XPR1: variants seen among roughly 807,000 people sequenced by gnomAD.
XPR1 encodes solute carrier family 53 member 1.
XPR1 carries 28 observed loss-of-function variants against 87.5 expected under a neutral mutation model. That is an observed-to-expected ratio of 0.32 (90% CI 0.24 to 0.44). The LOEUF is 0.44. Ranked by LOEUF, XPR1 falls within the 20% of genes least tolerant of loss-of-function variation. The pLI, the probability that XPR1 is intolerant of heterozygous loss-of-function variation, is 1.00. For missense variants in XPR1, 559 were observed against 862.3 expected, an observed-to-expected ratio of 0.65 and a Z score of 4.41; for synonymous variants, 300 against 306.1, an observed-to-expected ratio of 0.98 and a Z score of 0.21.
At chr1:180,757,637 C>T (rs559889199) in intron 2 of XPR1, among the ~76,000 whole-genome samples, 8 of 151,650 alleles carry the variant, frequency 5.3e-5, no homozygotes, top group African/African-American at 1.9e-4. Flanking sequence ...CCGCCTCAGC[C>T]TTTTGAGTAG....
chr1:180,845,191 G>A (rs1179360711), intron 11 of XPR1, among the ~76,000 whole-genome samples: 1 of 152,112 alleles, frequency 6.6e-6, no homozygotes, highest in African/African-American at 2.4e-5. Context: ...CCTATCACTG[G>A]CAAGGGTACG....
In XPR1 at chr1:180,840,155, G is replaced by A. The variant is rs966889813; in HGVS notation, c.1501+3439G>A. On this transcript the variant is annotated intron_variant, in intron 11 of 14. Transcript: ENST00000367590. Reference sequence around the variant, plus strand: ...GGAGAATGGCGTGAACCCGGGAAGCGGAGCTTGCAGTGAGCCGAGATTGCG... The same window carrying A: ...GGAGAATGGCGTGAACCCGGGAAGCAGAGCTTGCAGTGAGCCGAGATTGCG... Among the ~76,000 whole-genome samples the A allele has an allele frequency of 5.3e-5, 8 of 149,844 alleles. No homozygotes were observed. In the South Asian group the frequency reaches 6.4e-4, roughly 12 times the overall value.
intron 4 of XPR1, among the ~76,000 whole-genome samples, chr1:180,804,483 TAGAG>T (rs1307401616): frequency 1.3e-5 from 2 of 152,226 alleles, no homozygotes; most frequent in Non-Finnish European, 2.9e-5. Context: ...ATCTAATCTT[TAGAG>T]AGACCTTATG....
chr1:180,706,339 C>T (rs190067241), intron 2 of XPR1, among the ~76,000 whole-genome samples: 13 of 152,196 alleles, frequency 8.5e-5, no homozygotes, highest in Admixed American at 4.6e-4. Flanking sequence ...ATTGAGTTTC[C>T]GGCTCTACTT....
intron 1 of XPR1, among the ~76,000 whole-genome samples, chr1:180,652,960 C>G (rs955626720): frequency 6.6e-6 from 1 of 152,214 alleles, no homozygotes; most frequent in Non-Finnish European, 1.5e-5. Flanking sequence ...CTTCACTGGT[C>G]TGGAGGATCC....
chr1:180,757,283 A>C (rs1450839543), intron 2 of XPR1, among the ~76,000 whole-genome samples: 1 of 152,162 alleles, frequency 6.6e-6, no homozygotes, highest in African/African-American at 2.4e-5. Context: ...GGTATTTGGA[A>C]ACGGGATTTT....
At chr1:180,833,673 G>T (rs765419596) in intron 9 of XPR1, among the ~76,000 whole-genome samples, 2 of 152,020 alleles carry the variant, frequency 1.3e-5, no homozygotes, top group Non-Finnish European at 2.9e-5. Flanking sequence ...TTTTCATCAA[G>T]AATAAACACA....
At chr1:180,689,138 A>C (rs902913413) in intron 2 of XPR1, among the ~76,000 whole-genome samples, 4 of 152,188 alleles carry the variant, frequency 2.6e-5, no homozygotes, top group African/African-American at 9.6e-5. Context: ...ATGGAAAGGG[A>C]CATTAAAAGA....
At chr1:180,857,824 T>G (rs187074038) in intron 11 of XPR1, among the ~76,000 whole-genome samples, 1 of 152,326 alleles carries the variant, frequency 6.6e-6, no homozygotes, top group East Asian at 1.9e-4. Context: ...GTCTTTAGTA[T>G]TCTAGTTATA....
At chr1:180,743,940 C>T (rs749518774) in intron 2 of XPR1, among the ~76,000 whole-genome samples, 2 of 152,168 alleles carry the variant, frequency 1.3e-5, no homozygotes, top group Non-Finnish European at 2.9e-5. Context: ...TATGATCCAT[C>T]TGGCCTTGGA....
At chr1:180,666,719 CT>C (rs1377124427) in intron 1 of XPR1, among the ~76,000 whole-genome samples, 12 of 152,004 alleles carry the variant, frequency 7.9e-5, no homozygotes, top group Non-Finnish European at 1.5e-5. Flanking sequence ...ATTAGTTTTT[CT>C]TTTTTTGGTG....
chr1:180,750,143 T>C (rs1024530050), intron 2 of XPR1, among the ~76,000 whole-genome samples: 12 of 152,176 alleles, frequency 7.9e-5, no homozygotes, highest in African/African-American at 2.2e-4. Flanking sequence ...TTGGAAACTT[T>C]TTATTCTTTT....
At chr1:180,695,151 T>C (rs185365178) in intron 2 of XPR1, among the ~76,000 whole-genome samples, 1 of 152,314 alleles carries the variant, frequency 6.6e-6, no homozygotes, top group East Asian at 1.9e-4. Context: ...ATTAGTGATA[T>C]TGAGCACTTT....
intron 2 of XPR1, among the ~76,000 whole-genome samples, chr1:180,684,463 C>T (rs535991382): frequency 9.2e-5 from 14 of 152,180 alleles, no homozygotes; most frequent in Middle Eastern, 3.4e-3. Flanking sequence ...ATTGACTTGG[C>T]GATGCGGGCT....
At chr1:180,737,568 C>G (rs1490991407) in intron 2 of XPR1, among the ~76,000 whole-genome samples, 5 of 152,162 alleles carry the variant, frequency 3.3e-5, no homozygotes, top group Non-Finnish European at 7.3e-5. Flanking sequence ...CAGAAGAGTT[C>G]CATCAGTCTA....
rs1033753735 is a variant in XPR1, at chr1:180,820,294, C to T, written c.764-4459C>T. Among the ~76,000 whole-genome samples the T allele has an allele frequency of 1.6e-4, 25 of 152,202 alleles. 1 individual carries two copies. The highest frequency in any genetic ancestry group is 5.1e-4 in the African/African-American group (21 of 41,454). The stretch of plus-strand genomic sequence containing the variant: ...AACCCCACTCTCCATTCCCTCTCCT[C>T]AGCTGCTGGCAACCACTAATCTGCC... On this transcript the variant is annotated intron_variant, in intron 7 of 14. Coordinates refer to ENST00000367590, the MANE Select transcript of XPR1 (RefSeq NM_004736.4).
intron 2 of XPR1, among the ~76,000 whole-genome samples, chr1:180,762,898 A>G (rs1571812095): frequency 6.7e-6 from 1 of 149,482 alleles, no homozygotes; most frequent in African/African-American, 2.4e-5. Flanking sequence ...CACTTTTTTT[A>G]AAGAATGAAT....
At chr1:180,638,727 T>C (rs924156376) in intron 1 of XPR1, among the ~76,000 whole-genome samples, 1 of 152,210 alleles carries the variant, frequency 6.6e-6, no homozygotes, top group African/African-American at 2.4e-5. Context: ...CAACATAGTA[T>C]TTTTAAAATT....
intron 11 of XPR1, among the ~76,000 whole-genome samples, chr1:180,854,608 C>T (rs1263465638): frequency 6.6e-6 from 1 of 152,174 alleles, no homozygotes; most frequent in East Asian, 1.9e-4. Context: ...AGGCTAGTCA[C>T]CTATCGTGGC....
Sources: gnomAD v4.1 joint callset for allele counts (sites outside exome capture counted in the v4.1 genomes callset) on GRCh38, gnomAD v4.1.1 for gene constraint, MANE v1.5 for transcripts, NCBI Gene and HGNC (gene_info 2026-07-23, HGNC 2026-07-21) for gene names.